The following MACROH2A2 variants were observed in gnomAD, a reference collection of about 807,000 sequenced individuals.
The protein encoded by MACROH2A2 is macroH2A.2 histone.
A neutral mutation model predicts 37.6 loss-of-function variants in MACROH2A2; 6 were observed. The ratio of observed to expected loss-of-function variants is 0.16; its 90% CI spans 0.09 to 0.32. The LOEUF is 0.32. Among genes scored for constraint, MACROH2A2 ranks in the 10% least tolerant of loss-of-function variants. The pLI is 1.00. For missense variants in MACROH2A2, 290 were observed against 485.9 expected (o/e 0.60, Z 3.79); for synonymous variants, 192 against 202.7 (o/e 0.95, Z 0.45).
At chr10:70,102,270 C>T (rs61856699) in intron 7 of MACROH2A2, among the ~76,000 whole-genome samples, 1 of 152,256 alleles carries the variant, frequency 6.6e-6, no homozygotes, top group East Asian at 1.9e-4. Flanking sequence ...CTTGCATGAG[C>T]AGGGAGTCTT....
chr10:70,054,152 G>C (rs923706441), intron 1 of MACROH2A2, among the ~76,000 whole-genome samples: 4 of 152,208 alleles, frequency 2.6e-5, no homozygotes, highest in African/African-American at 4.8e-5. Context: ...GGAGTTTCCC[G>C]TCGCGTGCAG....
rs1413990810 is a variant in MACROH2A2 at position 70,053,827 on chromosome 10, A to T, written c.-60+827A>T. 6.6e-6 allele frequency among the ~76,000 whole-genome samples: 1 copy of T among 152,062 alleles called. No individual in the cohort carries two copies. Among genetic ancestry groups the T allele is most frequent in the East Asian group, 1.9e-4 (1 of 5,180 alleles). On this transcript the variant is annotated intron_variant, in intron 1 of 8. Transcript: ENST00000373255. This position sits in a 1 kb window ranked among gnomAD's most constrained non-coding sequence, Gnocchi z 4.8. ...CTGGCTCCCGCTTTGCGCGGGAAAAAATAATAATAATAAAAATATCGAAAA... is the reference window on the plus strand; with the variant it reads ...CTGGCTCCCGCTTTGCGCGGGAAAATATAATAATAATAAAAATATCGAAAA...
chr10:70,081,165 C>T (rs2072174419), intron 2 of MACROH2A2, among the ~76,000 whole-genome samples: 1 of 151,482 alleles, frequency 6.6e-6, no homozygotes, highest in Non-Finnish European at 1.5e-5. Context: ...GGTTCTGCCA[C>T]GTATCAGCTA....
intron 2 of MACROH2A2, among the ~76,000 whole-genome samples, chr10:70,083,052 G>A (rs1480182373): frequency 1.3e-5 from 2 of 151,708 alleles, no homozygotes; most frequent in Admixed American, 1.3e-4. Flanking sequence ...CCACCAAAGG[G>A]ATTCCCAGCA....
chr10:70,088,162 C>G lies in MACROH2A2; in HGVS notation c.173-1898C>G, dbSNP rs2072222303. 1.3e-5 allele frequency among the ~76,000 whole-genome samples: 2 copies of G among 151,602 alleles called. 1 individual carries two copies. The highest frequency in any genetic ancestry group is 4.2e-4 in the South Asian group (2 of 4,788). On this transcript the variant is annotated intron_variant, in intron 2 of 8. Coordinates refer to ENST00000373255, the MANE Select transcript of MACROH2A2 (RefSeq NM_018649.3). ...CACACTCACACACACACAGTACATT[C>G]ACGCACACACACGCACACATATGCC... is the stretch of plus-strand genomic sequence containing the variant.
In MACROH2A2 at chr10:70,064,957, C is replaced by T. The variant is rs140915436; in HGVS notation, c.-59-10643C>T. ...CCCAAACAGGAAGCATGCCCACCAA[C>T]CAATGGTTGAAGAATTCAAGAAAGC... On this transcript the variant is annotated intron_variant, in intron 1 of 8. Coordinates refer to ENST00000373255, the MANE Select transcript of MACROH2A2 (RefSeq NM_018649.3). Among the ~76,000 whole-genome samples, 277 of 152,260 alleles carry T rather than the reference C, an allele frequency of 1.8e-3. 2 individuals are homozygous for T. Among genetic ancestry groups the T allele is most frequent in the African/African-American group, 6.4e-3 (265 of 41,536 alleles).
At chr10:70,054,151 C>T (rs1346577545) in intron 1 of MACROH2A2, among the ~76,000 whole-genome samples, 1 of 152,218 alleles carries the variant, frequency 6.6e-6, no homozygotes, top group African/African-American at 2.4e-5. Flanking sequence ...AGGAGTTTCC[C>T]GTCGCGTGCA....
In MACROH2A2 at chr10:70,100,224, G is replaced by T; in HGVS notation, c.705G>T (p.Lys235Asn). 6.2e-7 allele frequency: 1 copy of T among 1,606,770 alleles called. No homozygotes were observed. The highest frequency in any genetic ancestry group is 1.7e-5 in the Admixed American group (1 of 59,904). ...CCTTTGCAGGTAAAGCCTTGGAAAA[G>T]GCTGGGGGAAAAGAGTTCTTGGAAA... ...LKEDIGKALE[K>N]AGGKEFLETV... The change falls in exon 7 of 9, where the codon AAG becomes AAT. Residue 235 changes from lysine to asparagine, a missense_variant. Lys to Asn is a moderately conservative substitution (Grantham distance 94). Around this residue, in one of 3 missense-constraint regions of MACROH2A2, gnomAD observed 130 missense variants for 257.1 expected, o/e 0.51. Transcript: ENST00000373255.
At chr10:70,109,379 C>A (rs972293602) in intron 8 of MACROH2A2, among the ~76,000 whole-genome samples, 172 bp downstream of exon 8, 3 of 152,226 alleles carry the variant, frequency 2.0e-5, no homozygotes, top group Non-Finnish European at 4.4e-5. Flanking sequence ...CATGGGGAAG[C>A]GAGCCCACTG....
chr10:70,057,948 G>C (rs1214606752), intron 1 of MACROH2A2, among the ~76,000 whole-genome samples: 9 of 152,146 alleles, frequency 5.9e-5, no homozygotes, highest in Non-Finnish European at 1.0e-4. Flanking sequence ...CACCACACAA[G>C]GGACTCCAGG....
At chr10:70,098,655 G>A (rs1305480937) in intron 6 of MACROH2A2, 1 of 152,186 alleles carries the variant, frequency 6.6e-6, no homozygotes, top group Non-Finnish European at 1.5e-5. Flanking sequence ...TTATAACTTG[G>A]TGGTTGGATC....
rs541209866 is a variant in MACROH2A2 at position 70,053,152 on chromosome 10, C to T, written c.-60+152C>T. ...GCACCCTCGATAGCCGACCCACCCT[C>T]TGCAAAAACAAATTCTTAAATCCAG... On this transcript the variant is annotated intron_variant, in intron 1 of 8. Transcript: ENST00000373255. The surrounding 1 kb of genome is among the most constrained non-coding windows in gnomAD (Gnocchi z 4.8). Among the ~76,000 whole-genome samples the T allele has an allele frequency of 6.6e-6, 1 of 152,348 alleles. No homozygotes were observed. Among genetic ancestry groups the T allele is most frequent in the Admixed American group, 6.5e-5 (1 of 15,312 alleles).
chr10:70,068,254 C>T (rs545767458), intron 1 of MACROH2A2, among the ~76,000 whole-genome samples: 6 of 152,098 alleles, frequency 3.9e-5, no homozygotes, highest in Admixed American at 1.3e-4. Context: ...GGTGGTGGGC[C>T]CTAGCATAGA....
intron 1 of MACROH2A2, among the ~76,000 whole-genome samples, chr10:70,073,190 T>A (rs922116515): frequency 6.6e-6 from 1 of 152,246 alleles, no homozygotes; most frequent in Non-Finnish European, 1.5e-5. Context: ...ACGTGCTATG[T>A]GAGGACAGGG....
chr10:70,110,946 A>G (rs1268177254), intron 8 of MACROH2A2, among the ~76,000 whole-genome samples: 1 of 151,894 alleles, frequency 6.6e-6, no homozygotes, highest in African/African-American at 2.4e-5. Context: ...GGCACTCTTC[A>G]CTTGGCCAGC....
At chr10:70,089,141 C>T (rs765881969) in intron 2 of MACROH2A2, among the ~76,000 whole-genome samples, 2 of 152,106 alleles carry the variant, frequency 1.3e-5, no homozygotes, top group Non-Finnish European at 2.9e-5. Context: ...AAGAGAAGTC[C>T]AAGTGGGCAC....
intron 7 of MACROH2A2, among the ~76,000 whole-genome samples, chr10:70,108,185 G>A (rs2072348834): frequency 6.6e-6 from 1 of 151,918 alleles, no homozygotes; most frequent in African/African-American, 2.4e-5. Context: ...TCCAGCCTGG[G>A]CGACAGAAAA....
intron 7 of MACROH2A2, among the ~76,000 whole-genome samples, chr10:70,106,708 G>A (rs1296910707): frequency 6.8e-6 from 1 of 147,258 alleles, no homozygotes; most frequent in Non-Finnish European, 1.5e-5. Flanking sequence ...TGAGGCAGGA[G>A]AATCGAATCG....
chr10:70,106,438 G>A (rs1226416295), intron 7 of MACROH2A2, among the ~76,000 whole-genome samples: 1 of 152,068 alleles, frequency 6.6e-6, no homozygotes, highest in Non-Finnish European at 1.5e-5. Flanking sequence ...AAATGTCATC[G>A]TGCACTACCC....
Sources: gnomAD v4.1 joint callset for allele counts (sites outside exome capture counted in the v4.1 genomes callset) on GRCh38, gnomAD v4.1.1 for gene constraint, gnomAD v4.1.1 regional missense constraint, Gnocchi (gnomAD v3.1) non-coding constraint, MANE v1.5 for transcripts, NCBI Gene and HGNC (gene_info 2026-07-23, HGNC 2026-07-21) for gene names.